The following IPCEF1 variants were observed in gnomAD, a reference collection of about 807,000 sequenced individuals.
IPCEF1 encodes interaction protein for cytohesin exchange factors 1.
In IPCEF1, 31 loss-of-function variants were observed where a neutral mutation model predicts 50.9. The ratio of observed to expected loss-of-function variants is 0.61; its 90% CI spans 0.46 to 0.82. The LOEUF (loss-of-function observed/expected upper bound fraction) is 0.82, where lower values mean the gene tolerates loss of function less well. Ranked by LOEUF, IPCEF1 falls within the 40% of genes least tolerant of loss-of-function variation. The pLI, the probability that IPCEF1 is intolerant of heterozygous loss-of-function variation, is 0.00. For synonymous variants in IPCEF1, 181 were observed against 192.0 expected (o/e 0.94, Z 0.47); for missense variants, 458 against 514.0 (o/e 0.89, Z 1.05).
At chr6:154,243,841 T>C (rs568468786) in intron 5 of IPCEF1, among the ~76,000 whole-genome samples, 5 of 152,314 alleles carry the variant, frequency 3.3e-5, no homozygotes, top group Admixed American at 6.5e-5. Flanking sequence ...TTTCAGTCTA[T>C]CCCACTTTCA....
intron 2 of IPCEF1, among the ~76,000 whole-genome samples, chr6:154,282,355 G>T (rs565346789): frequency 2.0e-5 from 3 of 152,054 alleles, no homozygotes; most frequent in African/African-American, 7.2e-5. Context: ...TCTCTTTCGC[G>T]GGACCAGAGT....
intron 11 of IPCEF1, among the ~76,000 whole-genome samples, chr6:154,160,536 T>C (rs1012302443): frequency 6.6e-6 from 1 of 152,214 alleles, no homozygotes; most frequent in Non-Finnish European, 1.5e-5. Context: ...ACAGAATAAA[T>C]ACACAGATTA....
At chr6:154,323,787 T>A (rs1276695911) in intron 1 of IPCEF1, among the ~76,000 whole-genome samples, 2 of 152,174 alleles carry the variant, frequency 1.3e-5, no homozygotes, top group African/African-American at 4.8e-5. Context: ...ACCCTGTCTC[T>A]ACTAAAAATA....
At chr6:154,233,729 A>C (rs530824439) in intron 5 of IPCEF1, among the ~76,000 whole-genome samples, 5 of 152,250 alleles carry the variant, frequency 3.3e-5, no homozygotes, top group Admixed American at 1.3e-4. Context: ...AGTGACCCTG[A>C]CATATGCCCT....
At chr6:154,281,245 T>C (rs1344839884) in intron 2 of IPCEF1, among the ~76,000 whole-genome samples, 1 of 149,700 alleles carries the variant, frequency 6.7e-6, no homozygotes, top group Non-Finnish European at 1.5e-5. Context: ...CCCAGCTACT[T>C]GGGAGGCTGA....
chr6:154,232,864 G>T (rs1334340272), intron 5 of IPCEF1, among the ~76,000 whole-genome samples: 3 of 151,174 alleles, frequency 2.0e-5, no homozygotes, highest in African/African-American at 4.9e-5. Context: ...AGAAATCCAA[G>T]AATTTATTAT....
intron 10 of IPCEF1, among the ~76,000 whole-genome samples, chr6:154,181,802 T>A (rs971723062): frequency 1.3e-5 from 2 of 152,194 alleles, no homozygotes; most frequent in African/African-American, 4.8e-5. Context: ...AAAATCAGAT[T>A]ACCTTCTTGG....
intron 6 of IPCEF1, 144 bp downstream of exon 6, chr6:154,223,026 T>C (rs1429196842): frequency 1.5e-6 from 1 of 673,198 alleles, no homozygotes. Context: ...TATTTCTATG[T>C]AGGGTGCCAA....
At chr6:154,167,891 A>G (rs552430580) in intron 11 of IPCEF1, 29 bp downstream of exon 11, 4 of 1,520,414 alleles carry the variant, frequency 2.6e-6, no homozygotes, top group Non-Finnish European at 3.6e-6. Flanking sequence ...ACATCCATAG[A>G]GTTCATCCAC....
chr6:154,304,533 A>G (rs74781188), intron 1 of IPCEF1, among the ~76,000 whole-genome samples: 351 of 152,326 alleles, frequency 2.3e-3, no homozygotes, highest in African/African-American at 8.2e-3. Flanking sequence ...TGAATAAATG[A>G]ATAAAAGAAG....
chr6:154,176,346 TAAAGTGTATTC>T (rs1176636118), intron 10 of IPCEF1, among the ~76,000 whole-genome samples: 2 of 152,132 alleles, frequency 1.3e-5, no homozygotes, highest in African/African-American at 4.8e-5. Flanking sequence ...GAGAAAGAAA[TAAAGTGTATTC>T]AATTAGGAAA....
At chr6:154,272,211 G>C (rs1781916902) in intron 2 of IPCEF1, among the ~76,000 whole-genome samples, 2 of 152,238 alleles carry the variant, frequency 1.3e-5, no homozygotes, top group Non-Finnish European at 2.9e-5. Context: ...TGCATGCTTA[G>C]TAAGTGGTAG....
chr6:154,204,671 C>A (rs539058450), intron 9 of IPCEF1, among the ~76,000 whole-genome samples: 1 of 152,288 alleles, frequency 6.6e-6, no homozygotes, highest in South Asian at 2.1e-4. Flanking sequence ...TTGAAGAAGT[C>A]ATTTTACCTG....
intron 1 of IPCEF1, among the ~76,000 whole-genome samples, chr6:154,335,555 G>T (rs1783770811): frequency 6.6e-6 from 1 of 152,058 alleles, no homozygotes. Flanking sequence ...CCTGTTGAAG[G>T]TCGAGCACGG....
chr6:154,232,303 G>C (rs751858159), intron 5 of IPCEF1, among the ~76,000 whole-genome samples: 2 of 152,214 alleles, frequency 1.3e-5, no homozygotes, highest in Non-Finnish European at 2.9e-5. Context: ...CTAGATATCA[G>C]AAGCAGGCCT....
At chr6:154,284,863 G>A (rs1017751311) in intron 2 of IPCEF1, among the ~76,000 whole-genome samples, 7 of 152,108 alleles carry the variant, frequency 4.6e-5, no homozygotes, top group African/African-American at 1.7e-4. Context: ...AGCCAGGTTT[G>A]GTGGTGTGCA....
At chr6:154,279,071 G>T (rs1452815651) in intron 2 of IPCEF1, among the ~76,000 whole-genome samples, 1 of 150,688 alleles carries the variant, frequency 6.6e-6, no homozygotes, top group Non-Finnish European at 1.5e-5. Context: ...GTTGCACTGA[G>T]TTGAGATCGT....
chr6:154,307,844 G>C (rs976343999), intron 1 of IPCEF1, among the ~76,000 whole-genome samples: 16 of 152,296 alleles, frequency 1.1e-4, no homozygotes, highest in African/African-American at 3.8e-4. Flanking sequence ...ACAGCACTGA[G>C]TGCCTCCTCT....
chr6:154,295,060 T>A (rs1445587659), intron 1 of IPCEF1, among the ~76,000 whole-genome samples: 9 of 151,984 alleles, frequency 5.9e-5, no homozygotes, highest in Non-Finnish European at 1.2e-4. Flanking sequence ...TAGTCGGGTG[T>A]GGTGGCGGTC....
Sources: allele counts gnomAD v4.1 joint callset (sites outside exome capture counted in the v4.1 genomes callset), GRCh38; gene constraint gnomAD v4.1.1; transcripts MANE v1.5; gene names NCBI Gene and HGNC (gene_info 2026-07-23, HGNC 2026-07-21).